Variants in MTHFD2L observed in about 807,000 individuals in gnomAD.
The protein encoded by MTHFD2L is bifunctional methylenetetrahydrofolate dehydrogenase/cyclohydrolase 2, mitochondrial.
Under a neutral mutation model 34.9 loss-of-function variants are expected in MTHFD2L, and 29 were observed. The ratio of observed to expected loss-of-function variants is 0.83; its 90% CI spans 0.62 to 1.13. MTHFD2L has a LOEUF of 1.13. Among genes scored for constraint, MTHFD2L ranks in the 50% most tolerant of loss-of-function variants. The pLI is 0.00. For synonymous variants in MTHFD2L, 167 were observed against 155.7 expected, an observed-to-expected ratio of 1.07 and a Z score of -0.54; for missense variants, 481 against 446.5, an observed-to-expected ratio of 1.08 and a Z score of -0.70.
At chr4:74,167,042 C>T (rs1726863192) in intron 1 of MTHFD2L, among the ~76,000 whole-genome samples, 1 of 152,220 alleles carries the variant, frequency 6.6e-6, no homozygotes, top group Admixed American at 6.5e-5. Flanking sequence ...GCCAGGATGG[C>T]CCCTATGAAC....
At chr4:74,259,348 C>T (rs1560538288) in intron 6 of MTHFD2L, among the ~76,000 whole-genome samples, 2 of 152,094 alleles carry the variant, frequency 1.3e-5, no homozygotes, top group Admixed American at 6.6e-5. Flanking sequence ...CTAATTCATC[C>T]TCATCTCAGC....
At chr4:74,263,956 A>G (rs1744992728) in intron 6 of MTHFD2L, among the ~76,000 whole-genome samples, 1 of 152,128 alleles carries the variant, frequency 6.6e-6, no homozygotes. Flanking sequence ...ACAAACAAAA[A>G]TAAAAATACC....
intron 7 of MTHFD2L, among the ~76,000 whole-genome samples, chr4:74,299,345 GGTA>G (rs998445027): frequency 8.6e-5 from 13 of 151,666 alleles, no homozygotes; most frequent in Non-Finnish European, 1.2e-4. Context: ...TAGTATAAAT[GGTA>G]GTAGTAGTGT....
intron 6 of MTHFD2L, among the ~76,000 whole-genome samples, chr4:74,247,318 T>C (rs578191018): frequency 1.8e-3 from 268 of 151,496 alleles, no homozygotes; most frequent in African/African-American, 5.6e-3. Context: ...GTGATTTTTA[T>C]ACATTGATTT....
At chr4:74,247,692 G>C (rs1742684935) in intron 6 of MTHFD2L, among the ~76,000 whole-genome samples, 1 of 152,144 alleles carries the variant, frequency 6.6e-6, no homozygotes, top group Admixed American at 6.5e-5. Context: ...AGCATGAAGG[G>C]ATGTTGAATT....
intron 6 of MTHFD2L, among the ~76,000 whole-genome samples, chr4:74,276,932 T>G (rs1287258882): frequency 1.3e-5 from 2 of 152,136 alleles, no homozygotes; most frequent in Non-Finnish European, 2.9e-5. Context: ...AGAGGATTTT[T>G]TTTTTAATTT....
chr4:74,209,376 G>C (rs1735910364), intron 5 of MTHFD2L, among the ~76,000 whole-genome samples: 1 of 152,052 alleles, frequency 6.6e-6, no homozygotes, highest in Non-Finnish European at 1.5e-5. Flanking sequence ...AGGTGTGTGT[G>C]ATGTTCCCCT....
At chr4:74,276,350 C>T (rs543685872) in intron 6 of MTHFD2L, among the ~76,000 whole-genome samples, 1 of 152,220 alleles carries the variant, frequency 6.6e-6, no homozygotes, top group South Asian at 2.1e-4. Flanking sequence ...GTTAATATTA[C>T]AGCTTTTAAT....
At chr4:74,121,054 T>C (rs377199073), upstream of MTHFD2L, among the ~76,000 whole-genome samples, 7 of 152,320 alleles carry the variant, frequency 4.6e-5, no homozygotes, top group African/African-American at 1.7e-4. Context: ...TTTGACATGT[T>C]CCAAAATTAG....
At position 74,143,973 on chromosome 4, in the gene MTHFD2L, A is replaced by G. The variant is rs573935799; in HGVS notation, c.-296-16082A>G. On this transcript the variant is annotated intron_variant, in intron 1 of 7. Transcript: ENST00000433372. The stretch of plus-strand genomic sequence containing the variant: ...AATGAAATGAGAAGGTAGCAATTGG[A>G]AAAGACTAAATCTAAGAATCATTCC... Among the ~76,000 whole-genome samples, 6 of 152,310 alleles carry G rather than the reference A, an allele frequency of 3.9e-5. No individual in the cohort carries two copies. The East Asian group carries it at 1.2e-3, about 29-fold the overall frequency.
chr4:74,130,281 A>C (rs1441274711), intron 1 of MTHFD2L, among the ~76,000 whole-genome samples: 7 of 151,858 alleles, frequency 4.6e-5, no homozygotes, highest in African/African-American at 1.7e-4. Context: ...GAGACACAAC[A>C]AAAAAAAGAA....
intron 1 of MTHFD2L, among the ~76,000 whole-genome samples, chr4:74,168,359 C>G (rs1326479371): frequency 2.6e-5 from 4 of 152,174 alleles, no homozygotes. Context: ...CTTCCCTTCC[C>G]TTGGCCTAGA....
At chr4:74,254,111 G>A (rs1044732666) in intron 6 of MTHFD2L, among the ~76,000 whole-genome samples, 4 of 152,156 alleles carry the variant, frequency 2.6e-5, no homozygotes, top group African/African-American at 7.2e-5. Flanking sequence ...AGAACAAAAT[G>A]TGGGCAGAAA....
At chr4:74,167,272 T>C (rs10938110) in intron 1 of MTHFD2L, among the ~76,000 whole-genome samples, 146,368 of 152,270 alleles carry the variant, frequency 0.96, 70,606 homozygotes, top group East Asian at 1. Flanking sequence ...CAAGAATCTC[T>C]AGATCCACTG....
intron 7 of MTHFD2L, among the ~76,000 whole-genome samples, chr4:74,290,080 A>G (rs1188839775): frequency 6.6e-6 from 1 of 152,182 alleles, no homozygotes; most frequent in Non-Finnish European, 1.5e-5. Context: ...ATTTTCCCCA[A>G]ATATCTGGTG....
intron 1 of MTHFD2L, among the ~76,000 whole-genome samples, chr4:74,143,125 A>G (rs1723376829): frequency 1.3e-5 from 2 of 152,160 alleles, no homozygotes; most frequent in African/African-American, 4.8e-5. Context: ...GGACCTCTTC[A>G]AATACAAAAC....
Position 74,303,089 on chromosome 4 carries a change from T to C in MTHFD2L, c.*1280T>C, listed in dbSNP as rs1578775387. 2 of 152,176 alleles carry C rather than the reference T, an allele frequency of 1.3e-5. No homozygotes were observed. The highest frequency in any genetic ancestry group is 2.9e-5 in the Non-Finnish European group (2 of 68,022). The allele number at this position is 152,176 out of a possible 1,614,324, so 9.4% of individuals were successfully genotyped here. ...CATTACAACTGTATAATAAAAGCAATTTGAAGAAAAGCTGTATTCTTTTTT... is the reference window on the plus strand; with the variant it reads ...CATTACAACTGTATAATAAAAGCAACTTGAAGAAAAGCTGTATTCTTTTTT... On this transcript the variant is annotated 3_prime_UTR_variant, in exon 8 of 8. Transcript: ENST00000325278.
At chr4:74,241,972 G>C (rs1741782100) in intron 6 of MTHFD2L, 1 of 153,866 alleles carries the variant, frequency 6.5e-6, no homozygotes, top group Non-Finnish European at 1.4e-5. Flanking sequence ...AGGTTGATGT[G>C]GGAGGGAACT....
chr4:74,126,245 T>G (rs1177618324), intron 1 of MTHFD2L, among the ~76,000 whole-genome samples: 1 of 152,228 alleles, frequency 6.6e-6, no homozygotes, highest in Non-Finnish European at 1.5e-5. Flanking sequence ...GTTAAGTTTC[T>G]AAGGCATATT....
Sources: gnomAD v4.1 joint callset for allele counts (sites outside exome capture counted in the v4.1 genomes callset) on GRCh38, gnomAD v4.1.1 for gene constraint, MANE v1.5 for transcripts, NCBI Gene and HGNC (gene_info 2026-07-23, HGNC 2026-07-21) for gene names.